KANK1: variants seen among roughly 807,000 people sequenced by gnomAD.
KANK1 encodes KN motif and ankyrin repeat domains 1, also known as KN motif and ankyrin repeat domain-containing protein 1.
KANK1 carries 109 observed loss-of-function variants against 106.2 expected under a neutral mutation model. That is an observed-to-expected ratio of 1.03 (90% CI 0.88 to 1.20). The LOEUF is 1.20. KANK1 is among the 50% of genes most tolerant of loss of function. The probability of loss-of-function intolerance (pLI) is 0.00; values close to 1 mark genes in which losing one functional copy is unlikely to be tolerated. For missense variants in KANK1, 2,399 were observed against 1,710.7 expected (o/e 1.40, Z -7.10); for synonymous variants, 873 against 652.2 (o/e 1.34, Z -5.16).
chr9:666,423 A>C (rs1171086272), intron 1 of KANK1, among the ~76,000 whole-genome samples: 3 of 152,144 alleles, frequency 2.0e-5, no homozygotes, highest in Non-Finnish European at 4.4e-5. Context: ...CTTTCTTTCC[A>C]ATATGAACAC....
chr9:576,449 T>C (rs1820586856), intron 1 of KANK1, among the ~76,000 whole-genome samples: 1 of 152,214 alleles, frequency 6.6e-6, no homozygotes, highest in African/African-American at 2.4e-5. Context: ...GTGCCTATCT[T>C]TCCCACAGTT....
intron 3 of KANK1, among the ~76,000 whole-genome samples, chr9:490,302 T>C (rs996712015): frequency 1.1e-4 from 17 of 152,076 alleles, no homozygotes; most frequent in African/African-American, 4.1e-4. Flanking sequence ...GCTCAGGAGT[T>C]CAAGACCATC....
intron 1 of KANK1, among the ~76,000 whole-genome samples, chr9:509,329 C>G (rs997182536): frequency 6.6e-6 from 1 of 152,164 alleles, no homozygotes; most frequent in South Asian, 2.1e-4. Context: ...ATCTCCTGAC[C>G]TCGTGATCCA....
intron 1 of KANK1, among the ~76,000 whole-genome samples, chr9:602,094 C>T (rs1827890170): frequency 6.6e-6 from 1 of 151,682 alleles, no homozygotes; most frequent in South Asian, 2.1e-4. Flanking sequence ...ATGCACATAC[C>T]CTGTAGAAAA....
intron 1 of KANK1, among the ~76,000 whole-genome samples, chr9:517,667 C>T (rs958182747): frequency 1.3e-5 from 2 of 150,886 alleles, no homozygotes; most frequent in African/African-American, 4.9e-5. Flanking sequence ...TCAATTCTGC[C>T]TGTTGTAGGG....
intron 1 of KANK1, among the ~76,000 whole-genome samples, chr9:535,333 G>A (rs981449474): frequency 6.6e-6 from 1 of 152,082 alleles, no homozygotes; most frequent in Admixed American, 6.6e-5. Context: ...AAGGCCCTAC[G>A]TCTTCCCTGG....
At chr9:672,741 G>C (rs1815466542) in intron 1 of KANK1, among the ~76,000 whole-genome samples, 1 of 152,174 alleles carries the variant, frequency 6.6e-6, no homozygotes, top group Non-Finnish European at 1.5e-5. Context: ...TATGGGGTCA[G>C]CTCATGCAAT....
At chr9:543,037 C>T (rs2060702832) in intron 1 of KANK1, among the ~76,000 whole-genome samples, 1 of 152,282 alleles carries the variant, frequency 6.6e-6, no homozygotes, top group Non-Finnish European at 1.5e-5. Context: ...AATGTTCTCA[C>T]CACAAATAAG....
chr9:662,575 C>A (rs1563946395), intron 1 of KANK1, among the ~76,000 whole-genome samples: 1 of 151,792 alleles, frequency 6.6e-6, no homozygotes, highest in Non-Finnish European at 1.5e-5. Context: ...AGAAAGCATT[C>A]CCTGTTTAAT....
At chr9:625,569 G>C (rs996837506) in intron 1 of KANK1, among the ~76,000 whole-genome samples, 3 of 151,500 alleles carry the variant, frequency 2.0e-5, no homozygotes, top group African/African-American at 7.3e-5. Flanking sequence ...AAACCTTCTT[G>C]TGCGAGGAGT....
intron 1 of KANK1, among the ~76,000 whole-genome samples, chr9:601,387 T>C (rs1399264504): frequency 6.6e-6 from 1 of 151,918 alleles, no homozygotes; most frequent in Non-Finnish European, 1.5e-5. Flanking sequence ...TTCTGACTCT[T>C]TAAACTCCCA....
At chr9:680,570 C>T (rs1938144435) in intron 2 of KANK1, among the ~76,000 whole-genome samples, 1 of 152,192 alleles carries the variant, frequency 6.6e-6, no homozygotes, top group South Asian at 2.1e-4. Context: ...GCCAGATATA[C>T]ATGAGCACCT....
chr9:728,489 G>C (rs1003180850), intron 3 of KANK1, among the ~76,000 whole-genome samples: 2 of 152,228 alleles, frequency 1.3e-5, no homozygotes, highest in African/African-American at 4.8e-5. Context: ...ATGAGCCACT[G>C]CTCCCGGCCT....
chr9:515,413 C>G (rs995380360), intron 1 of KANK1, among the ~76,000 whole-genome samples: 1 of 147,080 alleles, frequency 6.8e-6, no homozygotes, highest in African/African-American at 2.7e-5. Flanking sequence ...GTTCTTTAAC[C>G]ACTCTAGCTT....
At chr9:607,747 T>C (rs1167407320) in intron 1 of KANK1, among the ~76,000 whole-genome samples, 1 of 151,710 alleles carries the variant, frequency 6.6e-6, no homozygotes, top group Non-Finnish European at 1.5e-5. Context: ...CATTTCCTTG[T>C]TCTCCTAACT....
chr9:731,505 T>G, intron 5 of KANK1: 1 of 338,384 alleles, frequency 3.0e-6, no homozygotes, highest in Non-Finnish European at 5.5e-6. Flanking sequence ...TCTCCTCACC[T>G]CTGATCTGAA....
chr9:745,111 G>A, intron 11 of KANK1, 62 bp from the exon 12 acceptor site: 1 of 1,592,228 alleles, frequency 6.3e-7, no homozygotes, highest in African/African-American at 1.3e-5. Flanking sequence ...CTATGTCACA[G>A]GGTACACATC....
chr9:731,396 G>A (rs1832219745), intron 5 of KANK1, 130 bp downstream of exon 5: 2 of 558,408 alleles, frequency 3.6e-6, no homozygotes, highest in Non-Finnish European at 6.5e-6. Flanking sequence ...TCCTCAGAAA[G>A]GCAGAAAGGT....
At chr9:555,137 C>G (rs1020913480) in intron 1 of KANK1, among the ~76,000 whole-genome samples, 1 of 152,124 alleles carries the variant, frequency 6.6e-6, no homozygotes, top group Admixed American at 6.6e-5. Context: ...CAGTAGAACC[C>G]CTGGATAGTA....
Sources: gnomAD v4.1 joint callset for allele counts (sites outside exome capture counted in the v4.1 genomes callset) on GRCh38, gnomAD v4.1.1 for gene constraint, MANE v1.5 for transcripts, NCBI Gene and HGNC (gene_info 2026-07-23, HGNC 2026-07-21) for gene names.